Variants in CORO7 observed in about 807,000 individuals in gnomAD.
CORO7 encodes the protein coronin 7.
Under a neutral mutation model 126.6 loss-of-function variants are expected in CORO7, and 107 were observed. The ratio of observed to expected loss-of-function variants is 0.85; its 90% CI spans 0.72 to 0.99. The LOEUF is 0.99. Among genes scored for constraint, CORO7 ranks in the 50% least tolerant of loss-of-function variants. The pLI, the probability that CORO7 is intolerant of heterozygous loss-of-function variation, is 0.00. For synonymous variants in CORO7, 603 were observed against 536.8 expected, an observed-to-expected ratio of 1.12 and a Z score of -1.70; for missense variants, 1,314 against 1,255.8, an observed-to-expected ratio of 1.05 and a Z score of -0.70.
chr16:4,412,739 G>C (rs1234345566), intron 2 of CORO7: 2 of 392,374 alleles, frequency 5.1e-6, no homozygotes. Context: ...GCCACTTTTC[G>C]CACTTTTACT....
At position 4,358,062 on chromosome 16, in the gene CORO7, C is replaced by A. The variant is rs144324307; in HGVS notation, c.2499G>T (p.Val833=). ...CGGCACTGAGCACAGGCTCCCAGAT[C>A]ACAGCCGTGTCTGGGAACACGTCAT... ...FQDDVFPDTA[V]IWEPVLSAEA... Residue 833 remains valine, a synonymous_variant, in exon 25 of 28, where the codon GTG becomes GTT. Transcript: ENST00000251166. 3 of 1,613,096 alleles carry A rather than the reference C, an allele frequency of 1.9e-6. No individual in the cohort carries two copies. The highest frequency in any genetic ancestry group is 2.5e-6 in the Non-Finnish European group (3 of 1,179,532).
Position 4,362,288 on chromosome 16 carries a change from C to T in CORO7, c.1403-128G>A. 7.5e-7 allele frequency: 1 copy of T among 1,327,166 alleles called. No homozygotes were observed. The highest frequency in any genetic ancestry group is 1.0e-6 in the Non-Finnish European group (1 of 990,144). 82.2% of individuals were successfully genotyped at this position (1,327,166 alleles called of 1,614,324 possible). On this transcript the variant is annotated intron_variant, in intron 15 of 27. Coordinates refer to ENST00000251166, the MANE Select transcript of CORO7 (RefSeq NM_024535.5). This position sits in a 1 kb window ranked among gnomAD's most constrained non-coding sequence, Gnocchi z 5.3. ...GTACAGCATGGACCTAGGCCCAGGC[C>T]TTTGCTAATCCAGTGGATGCAACTC... is the stretch of plus-strand genomic sequence containing the variant.
In CORO7 at chr16:4,413,532, T is replaced by C; in HGVS notation, c.61-128A>G. The C allele has an allele frequency of 3.7e-6, 3 of 811,322 alleles. No homozygotes were observed. In the South Asian group the frequency reaches 6.0e-5, roughly 16 times the overall value. 50.3% of individuals were successfully genotyped at this position (811,322 alleles called of 1,614,324 possible). On this transcript the variant is annotated intron_variant, in intron 1 of 27. Coordinates refer to ENST00000251166, the MANE Select transcript of CORO7 (RefSeq NM_024535.5). ...AGCTGCACCATTCGAGATGCATTCT[T>C]TTATTTACTTTTTTTTTCTTTTTGA...
At chr16:4,390,975 G>C (rs1411843418) in intron 7 of CORO7, among the ~76,000 whole-genome samples, 2 of 152,234 alleles carry the variant, frequency 1.3e-5, no homozygotes, top group African/African-American at 4.8e-5. Context: ...CAGAGGTCCA[G>C]GTAAGAGCTT....
At chr16:4,409,620 C>T (rs1401608892) in intron 3 of CORO7, among the ~76,000 whole-genome samples, 1 of 152,206 alleles carries the variant, frequency 6.6e-6, no homozygotes, top group Non-Finnish European at 1.5e-5. Context: ...CCAAGTCACG[C>T]GGCTAAGAGA....
At chr16:4,369,848 A>C (rs2054465734) in intron 9 of CORO7, among the ~76,000 whole-genome samples, 2 of 147,308 alleles carry the variant, frequency 1.4e-5, no homozygotes, top group African/African-American at 2.5e-5. Context: ...ACCCCCCTCC[A>C]CCCCCACAGC....
chr16:4,358,466 A>T lies in CORO7; in HGVS notation c.2358T>A (p.Pro786=). 6.2e-7 allele frequency: 1 copy of T among 1,602,852 alleles called. No individual in the cohort carries two copies. Among genetic ancestry groups the T allele is most frequent in the East Asian group, 2.2e-5 (1 of 44,664 alleles). ...PDPHKGLVLL[P]KTECDVREVE... ...CTTCCCGCACGTCGCACTCCGTCTT[A>T]GGCAGGAGGACGAGGCCCTGGGGGA... The change falls in exon 24 of 28, where the codon CCT becomes CCA. Residue 786 remains proline, a synonymous_variant. Transcript: ENST00000251166.
intron 6 of CORO7, among the ~76,000 whole-genome samples, chr16:4,396,316 T>C (rs2055590924): frequency 6.6e-6 from 1 of 152,136 alleles, no homozygotes; most frequent in African/African-American, 2.4e-5. Flanking sequence ...TGACCTCAGG[T>C]GATCCGCCCG....
chr16:4,366,974 C>G (rs1317379002), intron 9 of CORO7, among the ~76,000 whole-genome samples: 1 of 152,212 alleles, frequency 6.6e-6, no homozygotes, highest in Non-Finnish European at 1.5e-5. Context: ...GCCTCTATCC[C>G]TCACTGCGGT....
Position 4,363,081 on chromosome 16 carries a change from A to G in CORO7, c.1276-343T>C, listed in dbSNP as rs531945864. 1.4e-4 allele frequency: 29 copies of G among 211,314 alleles called. No individual in the cohort carries two copies. The East Asian group carries it at 2.8e-3, about 20-fold the overall frequency. 13.1% of individuals were successfully genotyped at this position (211,314 alleles called of 1,614,324 possible). Reference sequence around the variant, plus strand: ...TAAGTGTTTGCCCAATTTAGAAAGCACTGTGCAAGTTCCTTCTTTATGCTC... The same window carrying G: ...TAAGTGTTTGCCCAATTTAGAAAGCGCTGTGCAAGTTCCTTCTTTATGCTC... On this transcript the variant is annotated intron_variant, in intron 14 of 27. Coordinates refer to ENST00000251166, the MANE Select transcript of CORO7 (RefSeq NM_024535.5).
At chr16:4,407,755 C>CA in intron 4 of CORO7, 71 bp from the exon 5 acceptor site, 1 of 1,475,420 alleles carries the variant, frequency 6.8e-7, no homozygotes, top group African/African-American at 1.4e-5. Flanking sequence ...GCCGTGACCC[C>CA]AGTGAGGTCC....
intron 26 of CORO7, chr16:4,356,898 C>A: frequency 1.9e-6 from 1 of 526,956 alleles, no homozygotes; most frequent in East Asian, 3.5e-5. Context: ...AAAATATACT[C>A]CAAGGTCCCA....
At chr16:4,400,173 A>AC (rs1334696442) in intron 6 of CORO7, among the ~76,000 whole-genome samples, 40 of 152,220 alleles carry the variant, frequency 2.6e-4, no homozygotes, top group Non-Finnish European at 3.5e-4. Context: ...ACACAGACTG[A>AC]CCCCTCATGT....
chr16:4,373,020 G>A (rs573242487), intron 9 of CORO7, among the ~76,000 whole-genome samples: 24 of 152,260 alleles, frequency 1.6e-4, no homozygotes, highest in African/African-American at 5.5e-4. Context: ...GGGTGTTGAG[G>A]GCATAGAGGG....
chr16:4,407,631 C>G lies in CORO7; in HGVS notation c.357G>C (p.Gly119=), dbSNP rs777036877. ...GGAGGTCCTCGGGGCCCAGCACCAC[C>G]CCGGGTGCTGAGGGCAGGGCCTGGC... ...GPGQALPSAP[G]VVLGPEDLPV... Residue 119 remains glycine (G), a synonymous_variant, in exon 5 of 28, where the codon GGG becomes GGC. Coordinates refer to ENST00000251166, the MANE Select transcript of CORO7 (RefSeq NM_024535.5). 1.9e-6 allele frequency: 3 copies of G among 1,608,718 alleles called. No homozygotes were observed. Among genetic ancestry groups the G allele is most frequent in the Non-Finnish European group, 2.5e-6 (3 of 1,177,942 alleles).
chr16:4,407,255 T>C (rs567702438), intron 5 of CORO7, among the ~76,000 whole-genome samples: 3 of 151,860 alleles, frequency 2.0e-5, no homozygotes, highest in East Asian at 1.9e-4. Flanking sequence ...GCCATTATTT[T>C]TTTAAATGGA....
intron 6 of CORO7, among the ~76,000 whole-genome samples, chr16:4,401,388 G>C (rs1279167939): frequency 6.6e-6 from 1 of 152,192 alleles, no homozygotes; most frequent in Non-Finnish European, 1.5e-5. Context: ...AGGTCTCCCT[G>C]GTCTGCCTCA....
At chr16:4,364,965 G>C in intron 11 of CORO7, 38 bp downstream of exon 11, 1 of 1,604,988 alleles carries the variant, frequency 6.2e-7, no homozygotes, top group Non-Finnish European at 8.5e-7. Flanking sequence ...GGCAGGGGAG[G>C]GGAGGGTAGG....
At chr16:4,416,241 CGAGCGCCAGAGCGAGTCACG>C (rs1567311373) in intron 1 of CORO7, among the ~76,000 whole-genome samples, 198 bp downstream of exon 1, 1 of 152,132 alleles carries the variant, frequency 6.6e-6, no homozygotes, top group African/African-American at 2.4e-5. Flanking sequence ...CCAGGGTCAC[CGAGCGCCAGAGCGAGTCACG>C]GGAGTGCCGG....
Sources: gnomAD v4.1 joint callset for allele counts (sites outside exome capture counted in the v4.1 genomes callset) on GRCh38, gnomAD v4.1.1 for gene constraint, Gnocchi (gnomAD v3.1) non-coding constraint, MANE v1.5 for transcripts, NCBI Gene and HGNC (gene_info 2026-07-23, HGNC 2026-07-21) for gene names.